Variants in APOA2 observed in about 807,000 individuals in gnomAD.
APOA2 encodes apolipoprotein A2.
In APOA2, 3 loss-of-function variants were observed where a neutral mutation model predicts 7.4. The ratio of observed to expected loss-of-function variants is 0.41; its 90% CI spans 0.18 to 1.05. The LOEUF is 1.05. APOA2 is among the 50% of genes least tolerant of loss of function. The probability of loss-of-function intolerance (pLI) is 0.33; values close to 1 mark genes in which losing one functional copy is unlikely to be tolerated. For missense variants in APOA2, 90 were observed against 116.3 expected (o/e 0.77, Z 1.04); for synonymous variants, 42 against 47.8 (o/e 0.88, Z 0.50).
Position 161,223,611 on chromosome 1 carries a change from T to C in APOA2, c.-41A>G. On this transcript the variant is annotated 5_prime_UTR_variant, in exon 1 of 4. Coordinates refer to ENST00000367990, the MANE Select transcript of APOA2 (RefSeq NM_001643.2). The stretch of plus-strand genomic sequence containing the variant: ...TTATCTTACCTAGCCAGCGTCTCTG[T>C]CCTTGGTGTCTGTGCCTGCCCTGGC... 1 of 632,196 alleles carries C rather than the reference T, an allele frequency of 1.6e-6. No homozygotes were observed. The highest frequency in any genetic ancestry group is 2.8e-6 in the Non-Finnish European group (1 of 352,990). 39.2% of individuals were successfully genotyped at this position (632,196 alleles called of 1,614,324 possible).
intron 2 of APOA2, 145 bp from the exon 3 acceptor site, chr1:161,223,195 C>A: frequency 6.4e-7 from 1 of 1,559,734 alleles, no homozygotes; most frequent in Non-Finnish European, 8.7e-7. Context: ...GGTATCCAGC[C>A]AGATCTTTGG....
At chr1:161,222,605 A>T in intron 3 of APOA2, 83 bp from the exon 4 acceptor site, 1 of 1,254,996 alleles carries the variant, frequency 8.0e-7, no homozygotes, top group Non-Finnish European at 1.2e-6. Context: ...AGGTCAGAGC[A>T]GACTGACTCA....
At position 161,223,388 on chromosome 1, in the gene APOA2, G is replaced by A. The variant is rs763656404; in HGVS notation, c.14C>T (p.Ala5Val). 2 of 1,613,866 alleles carry A rather than the reference G, an allele frequency of 1.2e-6. No individual in the cohort carries two copies. The highest frequency in any genetic ancestry group is 1.7e-6 in the Non-Finnish European group (2 of 1,179,910). The change falls in exon 2 of 4, where the codon GCA becomes GTA. Residue 5 changes from alanine to valine, a missense_variant. Ala to Val is a moderately conservative substitution (Grantham distance 64). Coordinates refer to ENST00000367990, the MANE Select transcript of APOA2 (RefSeq NM_001643.2). MKLLAATVLLLTICS... is the reference protein window; with the variant it reads MKLLVATVLLLTICS... ...GATGGTGAGGAGTAGCACAGTTGCT[G>A]CGAGCAGCTTCATGTTGGTAACAGT...
chr1:161,223,291 A>T (rs752538731), intron 2 of APOA2, 59 bp downstream of exon 2: 1 of 1,602,090 alleles, frequency 6.2e-7, no homozygotes, highest in Non-Finnish European at 8.5e-7. Flanking sequence ...ACAGGCAGAT[A>T]GGTAGCTATA....
At position 161,222,958 on chromosome 1, in the gene APOA2, T is replaced by C; in HGVS notation, c.145A>G (p.Met49Val). 2 of 1,614,088 alleles carry C rather than the reference T, an allele frequency of 1.2e-6. No individual in the cohort carries two copies. The highest frequency in any genetic ancestry group is 1.7e-6 in the Non-Finnish European group (2 of 1,180,008). ...QTVTDYGKDL[M>V]EKVKSPELQA... ...AGCTCTGGGCTCTTGACCTTCTCCA[T>C]CAGGTCCTTGCCATAGTCAGTCACG... The change falls in exon 3 of 4, where the codon ATG (methionine) becomes GTG (valine). Residue 49 changes from methionine to valine, a missense_variant. Transcript: ENST00000367990.
At chr1:161,223,446 G>C (rs1383293319) in intron 1 of APOA2, 21 bp from the exon 2 acceptor site, 1 of 1,596,184 alleles carries the variant, frequency 6.3e-7, no homozygotes, top group Non-Finnish European at 8.6e-7. Context: ...GGTGGTGGGG[G>C]TTTGGGGGAC....
At chr1:161,222,832 G>C in intron 3 of APOA2, 86 bp downstream of exon 3, 1 of 1,603,562 alleles carries the variant, frequency 6.2e-7, no homozygotes, top group Non-Finnish European at 8.5e-7. Context: ...CCCCACCCCT[G>C]GGTTCAGACT....
chr1:161,223,088 CACACA>C, intron 2 of APOA2, 38 bp from the exon 3 acceptor site: 1 of 1,310,392 alleles, frequency 7.6e-7, no homozygotes, highest in Non-Finnish European at 1.1e-6. Flanking sequence ...CACACACACA[CACACA>C]CTCTTTTCAG....
At chr1:161,222,576 G>A (rs1028824039) in intron 3 of APOA2, 54 bp from the exon 4 acceptor site, 65 of 1,495,738 alleles carry the variant, frequency 4.3e-5, no homozygotes, top group Non-Finnish European at 5.8e-5. Context: ...GCACTGGCAG[G>A]GGCCTTGGTG....
At chr1:161,223,114 A>T (rs1442211371) in intron 2 of APOA2, 64 bp from the exon 3 acceptor site, 2 of 1,606,186 alleles carry the variant, frequency 1.2e-6, no homozygotes, top group Admixed American at 3.4e-5. Context: ...CTGGGTCCAC[A>T]GCAGTGAATC....
At chr1:161,223,509 C>T in intron 1 of APOA2, 84 bp from the exon 2 acceptor site, 1 of 1,120,314 alleles carries the variant, frequency 8.9e-7, no homozygotes, top group Non-Finnish European at 1.3e-6. Flanking sequence ...TACCTGCTGC[C>T]CATTCCAACC....
Position 161,222,413 on chromosome 1 carries a change from T to C in APOA2, c.295A>G (p.Thr99Ala). 6.2e-7 allele frequency: 1 copy of C among 1,614,054 alleles called. No homozygotes were observed. Among genetic ancestry groups the C allele is most frequent in the Non-Finnish European group, 8.5e-7 (1 of 1,179,908 alleles). Residue 99 changes from threonine to alanine, a missense_variant, in exon 4 of 4, where the codon ACC (threonine) becomes GCC (alanine). Thr to Ala is a moderately conservative substitution (Grantham distance 58, BLOSUM62 0). Transcript: ENST00000367990. The part of the protein sequence containing the change: ...YFVELGTQPA[T>A]Q ...ACAATGGTCTGGACACTTCACTGGG[T>C]GGCAGGCTGTGTTCCAAGTTCCACG... is the stretch of plus-strand genomic sequence containing the variant.
intron 3 of APOA2, 61 bp from the exon 4 acceptor site, chr1:161,222,583 G>T: frequency 5.5e-6 from 8 of 1,446,944 alleles, no homozygotes; most frequent in South Asian, 1.1e-5. Flanking sequence ...CAGGGGCCTT[G>T]GTGGTGGTGG....
At position 161,223,009 on chromosome 1, in the gene APOA2, T is replaced by C. The variant is rs1283206658; in HGVS notation, c.94A>G (p.Ser32Gly). The C allele has an allele frequency of 2.5e-6, 4 of 1,613,706 alleles. No homozygotes were observed. Among genetic ancestry groups the C allele is most frequent in the Non-Finnish European group, 2.5e-6 (3 of 1,179,972 alleles). Residue 32 changes from serine (S) to glycine (G), a missense_variant, in exon 3 of 4, where the codon AGC (serine) becomes GGC (glycine). Transcript: ENST00000367990. Reference protein sequence around the residue: ...RRQAKEPCVESLVSQYFQTVT... With the variant: ...RRQAKEPCVEGLVSQYFQTVT... ...GTCTGGAAGTACTGAGAAACCAGGC[T>C]CTCCACACATGGCTCCTTTGCCTGT... is the stretch of plus-strand genomic sequence containing the variant.
chr1:161,223,164 T>C, intron 2 of APOA2, 114 bp from the exon 3 acceptor site: 1 of 1,577,954 alleles, frequency 6.3e-7, no homozygotes, highest in Non-Finnish European at 8.6e-7. Flanking sequence ...CCACCCCAGC[T>C]CTCTGCCCCC....
Position 161,223,416 on chromosome 1 carries a change from G to C in APOA2, c.-15C>G, listed in dbSNP as rs767749589. 7 of 1,612,108 alleles carry C rather than the reference G, an allele frequency of 4.3e-6. No homozygotes were observed. The highest frequency in any genetic ancestry group is 5.9e-6 in the Non-Finnish European group (7 of 1,179,216). ...AGCAGCTTCATGTTGGTAACAGTGGGGAGGGCGGCCTAGGAAGAGGGTGGT... is the reference window on the plus strand; with the variant it reads ...AGCAGCTTCATGTTGGTAACAGTGGCGAGGGCGGCCTAGGAAGAGGGTGGT... On this transcript the variant is annotated 5_prime_UTR_variant, in exon 2 of 4. Transcript: ENST00000367990.
At position 161,222,389 on chromosome 1, in the gene APOA2, C is replaced by T. The variant is rs2102067804; in HGVS notation, c.*16G>A. On this transcript the variant is annotated 3_prime_UTR_variant, in exon 4 of 4. Coordinates refer to ENST00000367990, the MANE Select transcript of APOA2 (RefSeq NM_001643.2). Reference sequence around the variant, plus strand: ...CTAGAGGCCAGCTGGGGTTGGAAGACAATGGTCTGGACACTTCACTGGGTG... The same window carrying T: ...CTAGAGGCCAGCTGGGGTTGGAAGATAATGGTCTGGACACTTCACTGGGTG... 1.2e-6 allele frequency: 2 copies of T among 1,609,368 alleles called. No individual in the cohort carries two copies. Among genetic ancestry groups the T allele is most frequent in the African/African-American group, 1.3e-5 (1 of 74,924 alleles).
intron 2 of APOA2, 88 bp downstream of exon 2, chr1:161,223,262 C>A (rs1460187976): frequency 6.3e-7 from 1 of 1,583,332 alleles, no homozygotes; most frequent in African/African-American, 1.3e-5. Flanking sequence ...CTTTGGTTGC[C>A]AGACCTGGAT....
At chr1:161,223,110 C>G in intron 2 of APOA2, 60 bp from the exon 3 acceptor site, 1 of 1,606,920 alleles carries the variant, frequency 6.2e-7, no homozygotes, top group Non-Finnish European at 8.5e-7. Context: ...TCAGCTGGGT[C>G]CACAGCAGTG....
Sources: gnomAD v4.1 joint callset for allele counts on GRCh38, gnomAD v4.1.1 for gene constraint, MANE v1.5 for transcripts, NCBI Gene and HGNC (gene_info 2026-07-23, HGNC 2026-07-21) for gene names.